The following EPB41L2 variants were observed in gnomAD, a reference collection of about 807,000 sequenced individuals.
EPB41L2 encodes erythrocyte membrane protein band 4.1 like 2, also known as band 4.1-like protein 2.
In EPB41L2, 43 loss-of-function variants were observed where a neutral mutation model predicts 113.0. That is an observed-to-expected ratio of 0.38 (90% CI 0.30 to 0.49). The LOEUF is 0.49. Ranked by LOEUF, EPB41L2 falls within the 20% of genes least tolerant of loss-of-function variation. EPB41L2 has a pLI of 0.95. For synonymous variants in EPB41L2, 442 were observed against 436.7 expected (o/e 1.01, Z -0.15); for missense variants, 1,147 against 1,223.4 (o/e 0.94, Z 0.93).
At chr6:130,917,960 T>C (rs1305029973) in intron 4 of EPB41L2, among the ~76,000 whole-genome samples, 1 of 152,218 alleles carries the variant, frequency 6.6e-6, no homozygotes, top group Non-Finnish European at 1.5e-5. Flanking sequence ...AAAAGTAGTT[T>C]TGTCTAGAAT....
At chr6:130,947,459 G>C (rs757274862) in intron 3 of EPB41L2, among the ~76,000 whole-genome samples, 1 of 152,192 alleles carries the variant, frequency 6.6e-6, no homozygotes, top group Non-Finnish European at 1.5e-5. Context: ...TATTTGCTGA[G>C]AGTAAACAGA....
chr6:130,850,067 G>A (rs1037545617), intron 19 of EPB41L2, among the ~76,000 whole-genome samples: 22 of 152,040 alleles, frequency 1.4e-4, no homozygotes, highest in South Asian at 2.1e-4. Flanking sequence ...GGGAAACCCC[G>A]TCTCTACTAA....
At chr6:130,980,044 A>G (rs1562651279) in intron 1 of EPB41L2, among the ~76,000 whole-genome samples, 1 of 152,204 alleles carries the variant, frequency 6.6e-6, no homozygotes, top group Non-Finnish European at 1.5e-5. Context: ...TACTGACGAG[A>G]AAGAAGAGTC....
intron 1 of EPB41L2, among the ~76,000 whole-genome samples, chr6:130,962,366 T>TAG (rs1174899381): frequency 6.6e-6 from 1 of 152,046 alleles, no homozygotes; most frequent in African/African-American, 2.4e-5. Context: ...CAGGCAGACT[T>TAG]AGAGCAGAGT....
At chr6:130,964,808 C>T (rs1774600674) in intron 1 of EPB41L2, among the ~76,000 whole-genome samples, 1 of 152,092 alleles carries the variant, frequency 6.6e-6, no homozygotes, top group Non-Finnish European at 1.5e-5. Flanking sequence ...TGAAATTATT[C>T]TCATGTTACA....
chr6:130,909,565 G>T (rs2128512279), intron 4 of EPB41L2, among the ~76,000 whole-genome samples: 1 of 152,314 alleles, frequency 6.6e-6, no homozygotes, highest in South Asian at 2.1e-4. Context: ...CAAATAAAGG[G>T]TATTCAAATA....
At chr6:130,898,595 G>A (rs1199908638) in intron 8 of EPB41L2, among the ~76,000 whole-genome samples, 2 of 152,106 alleles carry the variant, frequency 1.3e-5, no homozygotes, top group East Asian at 3.9e-4. Flanking sequence ...CAACTATAGC[G>A]ATGTGCGCTT....
At chr6:130,915,264 C>T (rs567551871) in intron 4 of EPB41L2, among the ~76,000 whole-genome samples, 5 of 152,218 alleles carry the variant, frequency 3.3e-5, no homozygotes, top group African/African-American at 1.2e-4. Context: ...GATCCCGCCA[C>T]TGCACTCCAG....
chr6:130,843,957 C>T (rs1341729419), intron 19 of EPB41L2, among the ~76,000 whole-genome samples: 3 of 152,104 alleles, frequency 2.0e-5, no homozygotes, highest in Admixed American at 6.5e-5. Context: ...TGATCTTGCC[C>T]GAAAAGCACA....
intron 16 of EPB41L2, chr6:130,865,968 G>T (rs748290514): frequency 4.0e-5 from 9 of 224,476 alleles, no homozygotes; most frequent in Middle Eastern, 1.4e-3. Flanking sequence ...GCCAGGCAGA[G>T]AAGTTTCCAC....
chr6:130,921,930 T>C (rs573948433), intron 4 of EPB41L2, among the ~76,000 whole-genome samples: 1 of 152,322 alleles, frequency 6.6e-6, no homozygotes, highest in East Asian at 1.9e-4. Flanking sequence ...ATAGGACATA[T>C]CCCTGCTGGA....
intron 19 of EPB41L2, among the ~76,000 whole-genome samples, chr6:130,849,873 T>A (rs1336302267): frequency 6.6e-6 from 1 of 152,140 alleles, no homozygotes; most frequent in African/African-American, 2.4e-5. Flanking sequence ...AAACATATGC[T>A]CACAAACTGC....
intron 1 of EPB41L2, chr6:131,014,272 G>C (rs923744808): frequency 3.3e-5 from 5 of 152,140 alleles, no homozygotes; most frequent in Non-Finnish European, 1.5e-5. Context: ...GAGGGTAGGA[G>C]GTGGTAAATT....
intron 1 of EPB41L2, among the ~76,000 whole-genome samples, chr6:130,994,196 G>A (rs1424375828): frequency 6.6e-6 from 1 of 152,186 alleles, no homozygotes; most frequent in African/African-American, 2.4e-5. Context: ...TGGGCTAAGA[G>A]TAATGTAGCC....
intron 4 of EPB41L2, among the ~76,000 whole-genome samples, chr6:130,915,936 C>T (rs1800908461): frequency 6.6e-6 from 1 of 152,188 alleles, no homozygotes; most frequent in Admixed American, 6.5e-5. Flanking sequence ...TTGTAAATTG[C>T]CCAGCCTCAG....
chr6:130,903,202 C>A (rs1432306381), intron 6 of EPB41L2, among the ~76,000 whole-genome samples: 1 of 152,158 alleles, frequency 6.6e-6, no homozygotes, highest in Non-Finnish European at 1.5e-5. Flanking sequence ...AGTGTTGGGT[C>A]ACAAAGCCCC....
At chr6:131,018,147 C>T (rs895939476) in intron 1 of EPB41L2, among the ~76,000 whole-genome samples, 5 of 152,174 alleles carry the variant, frequency 3.3e-5, no homozygotes, top group Non-Finnish European at 7.3e-5. Flanking sequence ...CTGTTGTACA[C>T]AGTCAAGGAT....
chr6:130,874,961 T>G (rs1216321860), intron 14 of EPB41L2, among the ~76,000 whole-genome samples: 1 of 152,204 alleles, frequency 6.6e-6, no homozygotes, highest in African/African-American at 2.4e-5. Context: ...TACGTAATAT[T>G]TCAAAGCATG....
chr6:130,900,264 G>A (rs1795935471), intron 7 of EPB41L2, among the ~76,000 whole-genome samples: 1 of 151,630 alleles, frequency 6.6e-6, no homozygotes, highest in African/African-American at 2.4e-5. Flanking sequence ...AATGAATGTG[G>A]CCTGTTTAAA....
Sources: gnomAD v4.1 joint callset for allele counts (sites outside exome capture counted in the v4.1 genomes callset) on GRCh38, gnomAD v4.1.1 for gene constraint, MANE v1.5 for transcripts, NCBI Gene and HGNC (gene_info 2026-07-23, HGNC 2026-07-21) for gene names.